RABGEF1: variants seen among roughly 807,000 people sequenced by gnomAD.
RABGEF1 encodes RAB guanine nucleotide exchange factor 1.
In RABGEF1, 26 loss-of-function variants were observed where a neutral mutation model predicts 57.3. The ratio of observed to expected loss-of-function variants is 0.45; its 90% CI spans 0.33 to 0.63. The LOEUF is 0.63. RABGEF1 is among the 20% of genes least tolerant of loss of function. The pLI, the probability that RABGEF1 is intolerant of heterozygous loss-of-function variation, is 0.02. For missense variants in RABGEF1, 464 were observed against 607.6 expected (o/e 0.76, Z 2.48); for synonymous variants, 185 against 210.7 (o/e 0.88, Z 1.06).
Position 66,772,089 on chromosome 7 carries a change from T to A in RABGEF1, c.179+11T>A, listed in dbSNP as rs1232705902. The A allele has an allele frequency of 4.0e-6, 6 of 1,496,478 alleles. No homozygotes were observed. The highest frequency in any genetic ancestry group is 5.4e-6 in the Non-Finnish European group (6 of 1,118,068). 92.7% of individuals were successfully genotyped at this position (1,496,478 alleles called of 1,614,324 possible). On this transcript the variant is annotated intron_variant, in intron 2 of 8. Coordinates refer to ENST00000284957, the MANE Select transcript of RABGEF1 (RefSeq NM_014504.3). ...GGAGCTGGCGGAGCGGTAAAAGGAC[T>A]TAACTAGGGGCGGTTGAACAGTGAC...
intron 4 of RABGEF1, among the ~76,000 whole-genome samples, chr7:66,790,980 T>C (rs74525747): frequency 6.6e-6 from 1 of 152,364 alleles, no homozygotes; most frequent in African/African-American, 2.4e-5. Flanking sequence ...CTGTCTGCAC[T>C]GTGTGTCTCT....
intron 1 of RABGEF1, among the ~76,000 whole-genome samples, chr7:66,767,143 C>T (rs1805953884): frequency 6.6e-6 from 1 of 151,588 alleles, no homozygotes; most frequent in South Asian, 2.1e-4. Context: ...GCTGGGATTA[C>T]AGACGTCTGC....
At chr7:66,677,778 AAAG>A (rs1405858524), upstream of RABGEF1, among the ~76,000 whole-genome samples, 14 of 151,042 alleles carry the variant, frequency 9.3e-5, no homozygotes, top group African/African-American at 2.7e-4. Flanking sequence ...AAAAAAAAAA[AAAG>A]AAATCTACAA....
chr7:66,790,826 C>T (rs1812476324), intron 4 of RABGEF1, among the ~76,000 whole-genome samples: 1 of 152,182 alleles, frequency 6.6e-6, no homozygotes, highest in African/African-American at 2.4e-5. Context: ...ATTCCACTTA[C>T]TTAGTAAAAA....
chr7:66,721,422 A>G (rs1350467180), intron 2 of RABGEF1, among the ~76,000 whole-genome samples: 2 of 152,256 alleles, frequency 1.3e-5, no homozygotes, highest in Admixed American at 6.5e-5. Flanking sequence ...CGCCTTCTGG[A>G]GGCTCTTGGG....
At position 66,771,359 on chromosome 7, in the gene RABGEF1, T is replaced by G. The variant is rs1807084243; in HGVS notation, c.-17-524T>G. Among the ~76,000 whole-genome samples the G allele has an allele frequency of 2.0e-5, 3 of 152,136 alleles. No individual in the cohort carries two copies. The South Asian group carries it at 6.2e-4, about 31-fold the overall frequency. The stretch of plus-strand genomic sequence containing the variant: ...TTTCACCGTGTTAGCCAGGATACTC[T>G]CAATCTCCTGATTTTGTTATCCGCC... On this transcript the variant is annotated intron_variant, in intron 1 of 8. Transcript: ENST00000284957.
chr7:66,775,503 C>G, intron 3 of RABGEF1, 110 bp downstream of exon 3: 3 of 1,330,512 alleles, frequency 2.3e-6, no homozygotes, highest in Non-Finnish European at 3.1e-6. Context: ...TTGAGAACAT[C>G]AGCTCAGATT....
intron 2 of RABGEF1, among the ~76,000 whole-genome samples, chr7:66,727,817 G>A (rs1796760811): frequency 6.6e-6 from 1 of 152,184 alleles, no homozygotes; most frequent in African/African-American, 2.4e-5. Flanking sequence ...CTGTGTTCAT[G>A]TTAACAATAG....
At chr7:66,662,570 A>G in the RABGEF1 span, among the ~76,000 whole-genome samples, 2 of 152,312 alleles carry the variant, frequency 1.3e-5, no homozygotes, top group East Asian at 3.9e-4. Context: ...ACAGGCAGGG[A>G]GGCTTCCCAA....
At chr7:66,703,088 C>G (rs1352126085) in intron 1 of RABGEF1, among the ~76,000 whole-genome samples, 2 of 152,134 alleles carry the variant, frequency 1.3e-5, no homozygotes, top group Non-Finnish European at 2.9e-5. Context: ...ATTCTCCTGC[C>G]TCAGCCTCCC....
intron 2 of RABGEF1, among the ~76,000 whole-genome samples, chr7:66,730,611 T>G (rs1022374473): frequency 7.5e-5 from 11 of 147,208 alleles, no homozygotes; most frequent in Admixed American, 4.2e-4. Context: ...CAGGCTGGAG[T>G]GCCATGGTAC....
At chr7:66,705,790 A>G (rs1793973891) in intron 1 of RABGEF1, among the ~76,000 whole-genome samples, 1 of 147,532 alleles carries the variant, frequency 6.8e-6, no homozygotes, top group South Asian at 2.1e-4. Flanking sequence ...GCTCACTGCA[A>G]CCTCCACCTC....
intron 1 of RABGEF1, among the ~76,000 whole-genome samples, chr7:66,744,186 GGC>G (rs1799657870): frequency 6.6e-6 from 1 of 151,514 alleles, no homozygotes; most frequent in Non-Finnish European, 1.5e-5. Flanking sequence ...ACCATAGATA[GGC>G]GCGCGCCACC....
At position 66,705,559 on chromosome 7, in the gene RABGEF1, T is replaced by G. The variant is rs114513439; in HGVS notation, c.-872-6608T>G. Among the ~76,000 whole-genome samples, 722 of 151,650 alleles carry G rather than the reference T, an allele frequency of 4.8e-3. 6 individuals carry two copies. Among genetic ancestry groups the G allele is most frequent in the African/African-American group, 0.016 (660 of 41,316 alleles). On this transcript the variant is annotated intron_variant and NMD_transcript_variant, in intron 1 of 9. Transcript: ENST00000607882. Reference sequence around the variant, plus strand: ...GAAAAATGGAGAAAAGCAGTAGACTTCTATATATAGCTTTATGTCCTGCAA... The same window carrying G: ...GAAAAATGGAGAAAAGCAGTAGACTGCTATATATAGCTTTATGTCCTGCAA...
At chr7:66,767,110 C>T (rs1306658814) in intron 1 of RABGEF1, among the ~76,000 whole-genome samples, 1 of 147,428 alleles carries the variant, frequency 6.8e-6, no homozygotes, top group Non-Finnish European at 1.5e-5. Flanking sequence ...TCATGCGATT[C>T]TTGTGTCTCA....
intron 7 of RABGEF1, among the ~76,000 whole-genome samples, chr7:66,803,489 G>A (rs577522968): frequency 5.6e-4 from 86 of 152,302 alleles, no homozygotes; most frequent in African/African-American, 1.9e-3. Context: ...CCTCTCCAGC[G>A]GTGCTGTCAC....
At chr7:66,757,994 A>C (rs1803215451) in intron 1 of RABGEF1, among the ~76,000 whole-genome samples, 1 of 152,144 alleles carries the variant, frequency 6.6e-6, no homozygotes. Context: ...CTGGAAAAAA[A>C]ATTTAAGGGA....
At chr7:66,759,261 A>G (rs1246473182) in intron 1 of RABGEF1, among the ~76,000 whole-genome samples, 2 of 152,168 alleles carry the variant, frequency 1.3e-5, no homozygotes, top group African/African-American at 4.8e-5. Context: ...TGTTACAGTG[A>G]GGGGATACAA....
chr7:66,804,724 G>T (rs1432887241), intron 7 of RABGEF1, among the ~76,000 whole-genome samples: 1 of 145,618 alleles, frequency 6.9e-6, no homozygotes, highest in African/African-American at 2.5e-5. Context: ...GCAACAAAGA[G>T]TGAAACTCAG....
Sources: gnomAD v4.1 joint callset for allele counts (sites outside exome capture counted in the v4.1 genomes callset) on GRCh38, gnomAD v4.1.1 for gene constraint, MANE v1.5 for transcripts, NCBI Gene and HGNC (gene_info 2026-07-23, HGNC 2026-07-21) for gene names.